NAALADL2: variants seen among roughly 807,000 people sequenced by gnomAD.
NAALADL2 encodes inactive N-acetylated-alpha-linked acidic dipeptidase-like protein 2.
In NAALADL2, 76 loss-of-function variants were observed where a neutral mutation model predicts 87.2. The ratio of observed to expected loss-of-function variants is 0.87; its 90% CI spans 0.72 to 1.05. The LOEUF (loss-of-function observed/expected upper bound fraction) is 1.05. Ranked by LOEUF, NAALADL2 falls within the 50% of genes least tolerant of loss-of-function variation. The pLI, the probability that NAALADL2 is intolerant of heterozygous loss-of-function variation, is 0.00. For synonymous variants in NAALADL2, 354 were observed against 331.0 expected (o/e 1.07, Z -0.75); for missense variants, 1,089 against 945.8 (o/e 1.15, Z -1.99).
Position 175,206,536 on chromosome 3 carries a change from A to G in NAALADL2, c.546-27395A>G, listed in dbSNP as rs150359597. Reference sequence around the variant, plus strand: ...CATGAGGACACATAAGAGTGAGACAATGGACTGTGGGGACTTGGTGGGGAA... The same window carrying G: ...CATGAGGACACATAAGAGTGAGACAGTGGACTGTGGGGACTTGGTGGGGAA... On this transcript the variant is annotated intron_variant, in intron 2 of 13. Coordinates refer to ENST00000454872, the MANE Select transcript of NAALADL2 (RefSeq NM_207015.3). Among the ~76,000 whole-genome samples, 436 of 151,226 alleles carry G rather than the reference A, an allele frequency of 2.9e-3. 1 individual carries two copies. Among genetic ancestry groups the G allele is most frequent in the African/African-American group, 9.8e-3 (403 of 41,118 alleles).
At chr3:175,790,850 T>C (rs1174306705) in intron 13 of NAALADL2, among the ~76,000 whole-genome samples, 1 of 152,230 alleles carries the variant, frequency 6.6e-6, no homozygotes, top group African/African-American at 2.4e-5. Flanking sequence ...ATTTACATAA[T>C]GCTAATTAAA....
intron 3 of NAALADL2, among the ~76,000 whole-genome samples, chr3:174,755,036 C>T (rs1711847597): frequency 6.6e-6 from 1 of 152,102 alleles, no homozygotes; most frequent in Non-Finnish European, 1.5e-5. Context: ...ATTATAATCC[C>T]CATAATCCCC....
At chr3:174,961,286 G>A (rs1048294873) in intron 1 of NAALADL2, among the ~76,000 whole-genome samples, 11 of 150,972 alleles carry the variant, frequency 7.3e-5, no homozygotes, top group South Asian at 2.1e-4. Flanking sequence ...ACCCACACCT[G>A]GTTGAGAAAA....
intron 4 of NAALADL2, among the ~76,000 whole-genome samples, chr3:175,310,950 GCAGTTGATAATATTAA>G (rs1338907480): frequency 2.0e-5 from 3 of 151,826 alleles, no homozygotes; most frequent in Non-Finnish European, 4.4e-5. Context: ...AAAAGTGCAT[GCAGTTGATAATATTAA>G]CAATATATTT....
intron 2 of NAALADL2, among the ~76,000 whole-genome samples, chr3:174,641,740 A>G (rs1723207112): frequency 7.1e-6 from 1 of 140,368 alleles, no homozygotes; most frequent in Non-Finnish European, 1.6e-5. Flanking sequence ...TGACTTTCTC[A>G]AGGAAATCCT....
chr3:174,920,916 A>G (rs1048506781), intron 1 of NAALADL2, among the ~76,000 whole-genome samples: 9 of 152,248 alleles, frequency 5.9e-5, no homozygotes, highest in African/African-American at 2.2e-4. Context: ...AGAGAGAAAC[A>G]GAAGAGCGGC....
chr3:175,611,927 A>G (rs1183624273), intron 10 of NAALADL2, among the ~76,000 whole-genome samples: 3 of 152,188 alleles, frequency 2.0e-5, no homozygotes, highest in Admixed American at 6.5e-5. Flanking sequence ...GAATTAATTT[A>G]GTGCCTTTAT....
chr3:174,902,036 C>A lies in NAALADL2; in HGVS notation c.43+42586C>A, dbSNP rs188409200. On this transcript the variant is annotated intron_variant, in intron 1 of 13. Transcript: ENST00000454872. ...AAAACTATAATATATACACGACTTA[C>A]GTGGGAATCTCGTTTAAATGCAGAT... Among the ~76,000 whole-genome samples, 364 of 152,172 alleles carry A rather than the reference C, an allele frequency of 2.4e-3. 3 individuals carry two copies. Among genetic ancestry groups the A allele is most frequent in the African/African-American group, 8.2e-3 (342 of 41,520 alleles).
rs193072954 is a variant in NAALADL2 at position 175,383,014 on chromosome 3, C to T, written c.1090+58689C>T. Among the ~76,000 whole-genome samples, 270 of 151,930 alleles carry T rather than the reference C, an allele frequency of 1.8e-3. 1 individual carries two copies. Among genetic ancestry groups the T allele is most frequent in the Middle Eastern group, 3.4e-3 (1 of 292 alleles). On this transcript the variant is annotated intron_variant, in intron 5 of 13. Coordinates refer to ENST00000454872, the MANE Select transcript of NAALADL2 (RefSeq NM_207015.3). ...ATCCCATTTAAGTTAATATTTCATA[C>T]GTTTTGGATCATATTTTTTCTTTTT...
At chr3:174,867,849 T>C (rs1374892595) in intron 1 of NAALADL2, among the ~76,000 whole-genome samples, 1 of 152,092 alleles carries the variant, frequency 6.6e-6, no homozygotes. Context: ...TTGGAAGTAG[T>C]GCACTGTTAT....
At chr3:174,944,442 A>G (rs1739100891) in intron 1 of NAALADL2, among the ~76,000 whole-genome samples, 1 of 152,084 alleles carries the variant, frequency 6.6e-6, no homozygotes, top group African/African-American at 2.4e-5. Context: ...CTCCCCCGGG[A>G]GCTCTGTCTC....
At chr3:175,080,630 A>G (rs182628777) in intron 1 of NAALADL2, among the ~76,000 whole-genome samples, 1 of 152,218 alleles carries the variant, frequency 6.6e-6, no homozygotes. Context: ...AAATGAGAAT[A>G]TTAGTTTTCC....
intron 13 of NAALADL2, among the ~76,000 whole-genome samples, chr3:175,756,513 T>A (rs770802965): frequency 6.6e-6 from 1 of 152,168 alleles, no homozygotes; most frequent in Non-Finnish European, 1.5e-5. Flanking sequence ...TGAAATCATG[T>A]CTGTCACAGC....
rs887794599 is a variant in NAALADL2 at position 175,739,216 on chromosome 3, T to C, written c.1990+1817T>C. Among the ~76,000 whole-genome samples the C allele has an allele frequency of 4.1e-5, 6 of 145,112 alleles. No homozygotes were observed. The East Asian group carries it at 9.7e-4, about 23-fold the overall frequency. On this transcript the variant is annotated intron_variant, in intron 12 of 13. Transcript: ENST00000454872. The stretch of plus-strand genomic sequence containing the variant: ...GTATTAGCAATACTGTCATTTTACA[T>C]GCTAAAATCAATTTTTTAAACAATG...
intron 6 of NAALADL2, among the ~76,000 whole-genome samples, chr3:175,460,849 C>T (rs1723010537): frequency 6.6e-6 from 1 of 152,170 alleles, no homozygotes; most frequent in Non-Finnish European, 1.5e-5. Context: ...AAAGAGTGCG[C>T]AGCAGCAATA....
intron 5 of NAALADL2, among the ~76,000 whole-genome samples, chr3:175,398,888 A>C (rs1770185614): frequency 6.6e-6 from 1 of 152,014 alleles, no homozygotes; most frequent in African/African-American, 2.4e-5. Flanking sequence ...CTTGCGCAAG[A>C]AAGAATTAAG....
intron 2 of NAALADL2, among the ~76,000 whole-genome samples, chr3:175,133,174 A>C (rs62287725): frequency 1.4e-5 from 2 of 145,986 alleles, no homozygotes; most frequent in South Asian, 2.2e-4. Flanking sequence ...GGCCGCCGGG[A>C]AGAGGCGCTC....
chr3:175,407,612 T>C (rs62288021), intron 5 of NAALADL2, among the ~76,000 whole-genome samples: 10,294 of 152,202 alleles, frequency 0.068, 420 homozygotes, highest in Non-Finnish European at 0.094. Flanking sequence ...CAAATAAATA[T>C]AGAAAAAGAG....
At chr3:175,043,291 T>A (rs186668786) in intron 1 of NAALADL2, among the ~76,000 whole-genome samples, 11 of 152,192 alleles carry the variant, frequency 7.2e-5, no homozygotes, top group Admixed American at 6.5e-4. Flanking sequence ...CAGGCTGGAG[T>A]TCAGCGGCAC....
Sources: gnomAD v4.1 joint callset for allele counts (sites outside exome capture counted in the v4.1 genomes callset) on GRCh38, gnomAD v4.1.1 for gene constraint, MANE v1.5 for transcripts, NCBI Gene and HGNC (gene_info 2026-07-23, HGNC 2026-07-21) for gene names.